The following SUZ12 variants were observed in gnomAD, a reference collection of about 807,000 sequenced individuals.
SUZ12 encodes polycomb protein SUZ12.
SUZ12 carries 17 observed loss-of-function variants against 87.3 expected under a neutral mutation model. The ratio of observed to expected loss-of-function variants is 0.19; its 90% CI spans 0.13 to 0.29. SUZ12 has a LOEUF of 0.29. Ranked by LOEUF, SUZ12 falls within the 10% of genes least tolerant of loss-of-function variation. SUZ12 has a pLI of 1.00. For synonymous variants in SUZ12, 253 were observed against 312.4 expected, an observed-to-expected ratio of 0.81 and a Z score of 2.01; for missense variants, 526 against 912.2, an observed-to-expected ratio of 0.58 and a Z score of 5.45.
At position 31,990,782 on chromosome 17, in the gene SUZ12, C is replaced by G. The variant is rs907420202; in HGVS notation, c.1201+2285C>G. 2.6e-5 allele frequency among the ~76,000 whole-genome samples: 4 copies of G among 151,990 alleles called. No homozygotes were observed. The South Asian group carries it at 8.3e-4, about 31-fold the overall frequency. On this transcript the variant is annotated intron_variant, in intron 10 of 15. Transcript: ENST00000322652. Reference sequence around the variant, plus strand: ...TTTTTTTTTGAGACAGGGTTTCTCTCTCTCACCCTGGCTGGAGTGCAGTGG... The same window carrying G: ...TTTTTTTTTGAGACAGGGTTTCTCTGTCTCACCCTGGCTGGAGTGCAGTGG...
chr17:31,945,769 T>C lies in SUZ12; in HGVS notation c.387-1848T>C, dbSNP rs1429433031. ...ATCAATTCTATTCACTTCTCCTGTA[T>C]ACAGCTTCATAAAGGTAGAAGAGAT... On this transcript the variant is annotated intron_variant, in intron 3 of 15. Transcript: ENST00000322652. Among the ~76,000 whole-genome samples the C allele has an allele frequency of 2.6e-5, 4 of 152,218 alleles. No individual in the cohort carries two copies. In the East Asian group the frequency reaches 7.7e-4, roughly 29 times the overall value.
chr17:31,964,701 G>A (rs1234199248), intron 4 of SUZ12, among the ~76,000 whole-genome samples: 3 of 152,112 alleles, frequency 2.0e-5, no homozygotes, highest in Non-Finnish European at 4.4e-5. Flanking sequence ...ACTGCACCCG[G>A]CCCACACTGT....
intron 10 of SUZ12, 147 bp downstream of exon 10, chr17:31,988,644 G>GTC: frequency 1.2e-6 from 1 of 804,810 alleles, no homozygotes. Flanking sequence ...CCAGGCAGGA[G>GTC]TGCAGTAGCG....
Position 31,999,220 on chromosome 17 carries a change from G to C in SUZ12, c.*217G>C, listed in dbSNP as rs1910138310. The C allele has an allele frequency of 8.3e-6, 3 of 361,062 alleles. No homozygotes were observed. Among genetic ancestry groups the C allele is most frequent in the South Asian group, 2.3e-4 (2 of 8,722 alleles). The allele number at this position is 361,062 out of a possible 1,614,324, so 22.4% of individuals were successfully genotyped here. ...TTTATTGATGTCATTAAAACATTCTGTACTTTAAGCATGAAAAGCAATATT... is the reference window on the plus strand; with the variant it reads ...TTTATTGATGTCATTAAAACATTCTCTACTTTAAGCATGAAAAGCAATATT... On this transcript the variant is annotated 3_prime_UTR_variant, in exon 16 of 16. Transcript: ENST00000322652.
intron 9 of SUZ12, among the ~76,000 whole-genome samples, chr17:31,986,946 G>A (rs937536344): frequency 1.3e-5 from 2 of 152,268 alleles, no homozygotes; most frequent in Middle Eastern, 3.4e-3. Flanking sequence ...GCTCATTGAA[G>A]ACTACTTGAT....
intron 3 of SUZ12, among the ~76,000 whole-genome samples, 179 bp from the exon 4 acceptor site, chr17:31,947,438 T>C (rs1352187166): frequency 6.6e-6 from 1 of 152,212 alleles, no homozygotes; most frequent in East Asian, 1.9e-4. Flanking sequence ...TGAAGGCTCG[T>C]GTGCTGTATT....
chr17:31,944,706 A>G (rs865794497), intron 3 of SUZ12, among the ~76,000 whole-genome samples: 3 of 152,278 alleles, frequency 2.0e-5, no homozygotes, highest in Middle Eastern at 3.4e-3. Context: ...TCAGACCTGT[A>G]ATTTCAGCAT....
chr17:31,949,004 C>T (rs1399691193), intron 4 of SUZ12, among the ~76,000 whole-genome samples: 1 of 150,180 alleles, frequency 6.7e-6, no homozygotes, highest in African/African-American at 2.4e-5. Context: ...CCTGGTCTGA[C>T]CTCCCTGCTT....
rs145687419 is a variant in SUZ12 at position 31,962,256 on chromosome 17, C to T, written c.456-3891C>T. 4.9e-3 allele frequency among the ~76,000 whole-genome samples: 750 copies of T among 151,890 alleles called. 3 individuals carry two copies. Among genetic ancestry groups the T allele is most frequent in the African/African-American group, 0.016 (669 of 41,358 alleles). On this transcript the variant is annotated intron_variant, in intron 4 of 15. Coordinates refer to ENST00000322652, the MANE Select transcript of SUZ12 (RefSeq NM_015355.4). ...TTCATTACCAGCCTGGGCAACATAG[C>T]GAGACCCTGTCTCTAAAAGAAAAAA...
chr17:31,963,229 C>T (rs1331558499), intron 4 of SUZ12, among the ~76,000 whole-genome samples: 1 of 152,212 alleles, frequency 6.6e-6, no homozygotes, highest in Non-Finnish European at 1.5e-5. Flanking sequence ...ACTGCAGCCT[C>T]CACCTCCTGG....
In SUZ12 at chr17:31,993,318, A is replaced by G; in HGVS notation, c.1278A>G (p.Leu426=). 1.3e-6 allele frequency: 2 copies of G among 1,574,272 alleles called. No individual in the cohort carries two copies. The highest frequency in any genetic ancestry group is 1.7e-6 in the Non-Finnish European group (2 of 1,160,936). ...CTCCAAATGAAAACCGACAAAAATT[A>G]AGAATATTTTATCAGGTAAACATAG... ...KDTPNENRQK[L]RIFYQFLYNN... is the part of the protein sequence containing the mutation. Residue 426 remains leucine (L), a synonymous_variant, in exon 11 of 16, where the codon TTA becomes TTG. Transcript: ENST00000322652.
intron 13 of SUZ12, among the ~76,000 whole-genome samples, chr17:31,994,994 G>C (rs977473331): frequency 6.6e-6 from 1 of 152,184 alleles, no homozygotes; most frequent in Non-Finnish European, 1.5e-5. Flanking sequence ...AATTCTGTCA[G>C]AAGTTTCTGG....
intron 9 of SUZ12, 53 bp from the exon 10 acceptor site, chr17:31,988,267 T>G: frequency 6.9e-7 from 1 of 1,454,336 alleles, no homozygotes; most frequent in Non-Finnish European, 9.2e-7. Flanking sequence ...TTCTACAATT[T>G]ATTTGAATTC....
chr17:32,000,136 A>G lies in SUZ12; in HGVS notation c.*1133A>G, dbSNP rs1910184046. The G allele has an allele frequency of 4.3e-6, 1 of 233,246 alleles. No individual in the cohort carries two copies. Among genetic ancestry groups the G allele is most frequent in the Non-Finnish European group, 8.5e-6 (1 of 117,868 alleles). 14.4% of individuals were successfully genotyped at this position (233,246 alleles called of 1,614,324 possible). A position where few individuals can be genotyped will look rare whatever the true frequency, so the allele number is the denominator to read the frequency against. On this transcript the variant is annotated 3_prime_UTR_variant, in exon 16 of 16. Coordinates refer to ENST00000322652, the MANE Select transcript of SUZ12 (RefSeq NM_015355.4). ...CAAGCACCAATAGGTTTTTATTCCA[A>G]CTCCGAGCACTGTGGTTGAGTAACA...
intron 10 of SUZ12, among the ~76,000 whole-genome samples, chr17:31,992,267 A>G (rs1200389755): frequency 1.3e-5 from 2 of 152,052 alleles, no homozygotes; most frequent in Admixed American, 6.6e-5. Flanking sequence ...ACGCCAGCCT[A>G]GTCACCAAAG....
At chr17:31,940,693 GTTA>G (rs1906218296) in intron 3 of SUZ12, among the ~76,000 whole-genome samples, 1 of 151,566 alleles carries the variant, frequency 6.6e-6, no homozygotes, top group Non-Finnish European at 1.5e-5. Context: ...GTCTCAGGTT[GTTA>G]TTAGCTTTTT....
chr17:31,973,403 G>T (rs1417020022), intron 6 of SUZ12, among the ~76,000 whole-genome samples, 172 bp downstream of exon 6: 1 of 152,124 alleles, frequency 6.6e-6, no homozygotes, highest in African/African-American at 2.4e-5. Flanking sequence ...TCGCATATCT[G>T]TGTAGTTTTT....
chr17:31,988,582 CT>C, intron 10 of SUZ12, 85 bp downstream of exon 10: 1 of 1,305,646 alleles, frequency 7.7e-7, no homozygotes, highest in Admixed American at 3.1e-5. Flanking sequence ...TTGTGTTTTG[CT>C]TTATGTGATT....
chr17:31,971,421 C>CTTTTT (rs11383306), intron 5 of SUZ12, among the ~76,000 whole-genome samples: 14 of 116,046 alleles, frequency 1.2e-4, no homozygotes, highest in African/African-American at 2.5e-4. Context: ...TCTCCTGCAA[C>CTTTTT]TTTTTTTTTT....
Sources: allele counts gnomAD v4.1 joint callset (sites outside exome capture counted in the v4.1 genomes callset), GRCh38; gene constraint gnomAD v4.1.1; transcripts MANE v1.5; gene names NCBI Gene and HGNC (gene_info 2026-07-23, HGNC 2026-07-21).